The following TNIK variants were observed in gnomAD, a reference collection of about 807,000 sequenced individuals.
The protein encoded by TNIK is TRAF2 and NCK interacting kinase, also known as TRAF2 and NCK-interacting protein kinase.
TNIK carries 49 observed loss-of-function variants against 191.3 expected under a neutral mutation model. The ratio of observed to expected loss-of-function variants is 0.26; its 90% confidence interval spans 0.20 to 0.32. TNIK has a LOEUF of 0.32. TNIK is among the 10% of genes least tolerant of loss of function. TNIK has a pLI of 1.00. For missense variants in TNIK, 1,155 were observed against 1,702.3 expected (o/e 0.68, Z 5.66); for synonymous variants, 594 against 600.9 (o/e 0.99, Z 0.17).
chr3:171,330,881 A>G (rs1756355521), intron 2 of TNIK, among the ~76,000 whole-genome samples: 1 of 152,200 alleles, frequency 6.6e-6, no homozygotes, highest in Non-Finnish European at 1.5e-5. Context: ...CCCCACCCAA[A>G]GAAGAGTAAA....
rs535413838 is a variant in TNIK at position 171,185,925 on chromosome 3, C to T, written c.639+2777G>A. Among the ~76,000 whole-genome samples, 43 of 152,268 alleles carry T rather than the reference C, an allele frequency of 2.8e-4. No homozygotes were observed. The South Asian group carries it at 5.6e-3, about 20-fold the overall frequency. On this transcript the variant is annotated intron_variant, in intron 7 of 32. Transcript: ENST00000436636. ...ATCCTTTATTCTAAATACACACTCT[C>T]GGCTGAAAGTGGCTATAGCACATGA...
At chr3:171,228,133 G>A (rs1560290163) in intron 3 of TNIK, 32 bp downstream of exon 3, 2 of 1,611,654 alleles carry the variant, frequency 1.2e-6, no homozygotes, top group East Asian at 2.2e-5. Flanking sequence ...GCATCTGCAT[G>A]GCTATTGAGA....
intron 2 of TNIK, among the ~76,000 whole-genome samples, chr3:171,292,562 G>C (rs1482997318): frequency 6.6e-6 from 1 of 152,110 alleles, no homozygotes; most frequent in Non-Finnish European, 1.5e-5. Context: ...GGAACATGAG[G>C]TCAGGAGCTC....
chr3:171,300,927 C>A (rs531715208), intron 2 of TNIK, among the ~76,000 whole-genome samples: 1 of 152,224 alleles, frequency 6.6e-6, no homozygotes, highest in Admixed American at 6.5e-5. Flanking sequence ...TGGTCTTCAG[C>A]AACCATCAAA....
rs80330941 is a variant in TNIK, at chr3:171,346,575, A to G, written c.123+23045T>C. 3.8e-4 allele frequency among the ~76,000 whole-genome samples: 58 copies of G among 152,264 alleles called. 2 individuals are homozygous for G. The East Asian group carries it at 0.011, about 29-fold the overall frequency. On this transcript the variant is annotated intron_variant, in intron 2 of 32. Coordinates refer to ENST00000436636, the MANE Select transcript of TNIK (RefSeq NM_015028.4). ...TTATAGTCTGATAAATATATTATTC[A>G]ACCAATGTGTATCACTATAATCTGA...
At chr3:171,115,531 G>A (rs563922751) in intron 18 of TNIK, among the ~76,000 whole-genome samples, 4 of 152,360 alleles carry the variant, frequency 2.6e-5, no homozygotes, top group South Asian at 4.1e-4. Context: ...GTTGATGGCA[G>A]TGTTATGAAG....
intron 15 of TNIK, among the ~76,000 whole-genome samples, chr3:171,132,562 C>T (rs147912285): frequency 2.8e-4 from 42 of 152,198 alleles, no homozygotes; most frequent in African/African-American, 9.6e-4. Context: ...ATTTCCAAAA[C>T]AATTTCAAAA....
At chr3:171,147,306 G>C (rs1731764489) in intron 12 of TNIK, among the ~76,000 whole-genome samples, 1 of 152,194 alleles carries the variant, frequency 6.6e-6, no homozygotes. Flanking sequence ...AAAGGACCCA[G>C]TGTGGTCTTT....
At chr3:171,196,391 G>A (rs12488143) in intron 4 of TNIK, among the ~76,000 whole-genome samples, 48,678 of 151,866 alleles carry the variant, frequency 0.32, 8,085 homozygotes, top group East Asian at 0.53. Context: ...GTATAAGAAC[G>A]CATATTACCT....
chr3:171,193,928 G>A (rs1738353118), intron 5 of TNIK, among the ~76,000 whole-genome samples: 2 of 152,194 alleles, frequency 1.3e-5, no homozygotes, highest in South Asian at 2.1e-4. Context: ...CTGATTGGGG[G>A]ATGTGTGGGA....
chr3:171,062,618 A>G lies in TNIK; in HGVS notation c.*1263T>C, dbSNP rs1717938345. The G allele has an allele frequency of 6.6e-6, 1 of 152,222 alleles. No homozygotes were observed. The highest frequency in any genetic ancestry group is 2.1e-4 in the South Asian group (1 of 4,830). 9.4% of individuals were successfully genotyped at this position (152,222 alleles called of 1,614,324 possible). ...TATGTTGGGTAATTTGGAGGAAGGT[A>G]AAGTGATTAGGGTCTCAAAATTTTG... On this transcript the variant is annotated 3_prime_UTR_variant, in exon 33 of 33. Transcript: ENST00000436636.
intron 7 of TNIK, among the ~76,000 whole-genome samples, chr3:171,182,392 A>G (rs1442891372): frequency 6.6e-6 from 1 of 152,130 alleles, no homozygotes; most frequent in East Asian, 1.9e-4. Context: ...TGCTCCAATT[A>G]CCACTGGCAA....
intron 3 of TNIK, among the ~76,000 whole-genome samples, chr3:171,217,788 C>T (rs1741630129): frequency 6.6e-6 from 1 of 151,976 alleles, no homozygotes; most frequent in Non-Finnish European, 1.5e-5. Flanking sequence ...CCTCAAGAAA[C>T]CTAAGTTTAA....
intron 1 of TNIK, among the ~76,000 whole-genome samples, chr3:171,379,678 T>C (rs1717747800): frequency 6.6e-6 from 1 of 152,178 alleles, no homozygotes; most frequent in African/African-American, 2.4e-5. Flanking sequence ...CATCACCTCC[T>C]GTAATTTTTC....
intron 12 of TNIK, among the ~76,000 whole-genome samples, chr3:171,144,743 C>T (rs1271054482): frequency 6.6e-6 from 1 of 152,174 alleles, no homozygotes; most frequent in East Asian, 1.9e-4. Flanking sequence ...TAGCTTTGCA[C>T]CCATTGACCA....
At chr3:171,443,728 G>A (rs539581598) in intron 1 of TNIK, among the ~76,000 whole-genome samples, 1 of 152,304 alleles carries the variant, frequency 6.6e-6, no homozygotes, top group South Asian at 2.1e-4. Flanking sequence ...AGAGGCTGAA[G>A]TGGGAGGATC....
intron 16 of TNIK, among the ~76,000 whole-genome samples, chr3:171,127,659 A>G: frequency 6.6e-6 from 1 of 152,314 alleles, no homozygotes; most frequent in Non-Finnish European, 1.5e-5. Flanking sequence ...CTGTAAAAAA[A>G]TGTATCTTTT....
chr3:171,193,451 C>G (rs180946547), intron 5 of TNIK, among the ~76,000 whole-genome samples: 1 of 152,078 alleles, frequency 6.6e-6, no homozygotes, highest in Non-Finnish European at 1.5e-5. Context: ...TAATGTACAC[C>G]TCCATTTATT....
chr3:171,091,405 G>A (rs530219006), intron 23 of TNIK, among the ~76,000 whole-genome samples: 1 of 152,214 alleles, frequency 6.6e-6, no homozygotes, highest in East Asian at 1.9e-4. Flanking sequence ...GCAGATCATG[G>A]GACTTCTCAG....
Sources: allele counts gnomAD v4.1 joint callset (sites outside exome capture counted in the v4.1 genomes callset), GRCh38; gene constraint gnomAD v4.1.1; transcripts MANE v1.5; gene names NCBI Gene and HGNC (gene_info 2026-07-23, HGNC 2026-07-21).